The following ADGRB3 variants were observed in gnomAD, a reference collection of about 807,000 sequenced individuals.
The protein encoded by ADGRB3 is adhesion G protein-coupled receptor B3, also known as brain-specific angiogenesis inhibitor 3.
Under a neutral mutation model 193.4 loss-of-function variants are expected in ADGRB3, and 37 were observed. The observed-to-expected ratio is 0.19, with a 90% CI of 0.15 to 0.25. The LOEUF (loss-of-function observed/expected upper bound fraction) is 0.25, where lower values mean the gene tolerates loss of function less well. Among genes scored for constraint, ADGRB3 ranks in the 10% least tolerant of loss-of-function variants. The pLI is 1.00. For missense variants in ADGRB3, 1,637 were observed against 1,852.9 expected (o/e 0.88, Z 2.14); for synonymous variants, 690 against 644.2 (o/e 1.07, Z -1.08).
At chr6:69,383,746 G>A (rs1770002301) in intron 31 of ADGRB3, among the ~76,000 whole-genome samples, 1 of 152,032 alleles carries the variant, frequency 6.6e-6, no homozygotes, top group African/African-American at 2.4e-5. Flanking sequence ...TCAAAAGCAA[G>A]TAGGTTAAGA....
chr6:69,370,182 C>T (rs1168792223), intron 29 of ADGRB3, among the ~76,000 whole-genome samples: 2 of 152,138 alleles, frequency 1.3e-5, no homozygotes, highest in Non-Finnish European at 2.9e-5. Flanking sequence ...TTTTCTTATT[C>T]ATAAAATAAG....
intron 3 of ADGRB3, among the ~76,000 whole-genome samples, chr6:68,826,951 CTAGTGTAGG>C (rs1269661708): frequency 1.3e-5 from 2 of 152,080 alleles, no homozygotes; most frequent in African/African-American, 4.8e-5. Context: ...ATTAAACATC[CTAGTGTAGG>C]TTTCAAACAG....
At chr6:69,186,464 C>T (rs1765070435) in intron 17 of ADGRB3, among the ~76,000 whole-genome samples, 2 of 151,788 alleles carry the variant, frequency 1.3e-5, no homozygotes, top group Admixed American at 6.6e-5. Flanking sequence ...CATTTATTCT[C>T]TACCAAGTAT....
chr6:69,141,734 T>C (rs183250766), intron 17 of ADGRB3, among the ~76,000 whole-genome samples: 1 of 152,234 alleles, frequency 6.6e-6, no homozygotes, highest in Admixed American at 6.5e-5. Flanking sequence ...GGGAGGAACT[T>C]TGTTAACTGA....
chr6:68,639,801 A>G (rs556237305), intron 3 of ADGRB3, among the ~76,000 whole-genome samples: 1 of 152,208 alleles, frequency 6.6e-6, no homozygotes, highest in African/African-American at 2.4e-5. Context: ...GTGGATTTAT[A>G]GACATCTCCC....
intron 3 of ADGRB3, among the ~76,000 whole-genome samples, chr6:68,705,362 G>C (rs1430646136): frequency 2.6e-5 from 4 of 152,104 alleles, no homozygotes; most frequent in Non-Finnish European, 4.4e-5. Flanking sequence ...TGGAATACTT[G>C]ACTTAAGTTC....
chr6:69,233,074 C>G (rs1766182538), intron 17 of ADGRB3: 4 of 620,374 alleles, frequency 6.4e-6, no homozygotes, highest in Non-Finnish European at 1.1e-5. Context: ...CAGCTCTCTG[C>G]ACGCCGCACC....
At chr6:68,925,033 A>G (rs1767142115) in intron 3 of ADGRB3, among the ~76,000 whole-genome samples, 1 of 151,918 alleles carries the variant, frequency 6.6e-6, no homozygotes, top group African/African-American at 2.4e-5. Flanking sequence ...AATCAGTAGT[A>G]AAATATCCGT....
chr6:68,811,075 G>T (rs1767503889), intron 3 of ADGRB3, among the ~76,000 whole-genome samples: 1 of 150,016 alleles, frequency 6.7e-6, no homozygotes, highest in South Asian at 2.1e-4. Context: ...TTTATGAGGA[G>T]ATATATATAT....
chr6:68,812,825 G>GTCC (rs1767541099), intron 3 of ADGRB3, among the ~76,000 whole-genome samples: 1 of 134,348 alleles, frequency 7.4e-6, no homozygotes, highest in African/African-American at 2.8e-5. Flanking sequence ...CCCTCCCCTA[G>GTCC]CCCCCCAACC....
At chr6:68,730,778 G>C (rs1229639749) in intron 3 of ADGRB3, among the ~76,000 whole-genome samples, 4 of 151,632 alleles carry the variant, frequency 2.6e-5, no homozygotes, top group Admixed American at 6.6e-5. Context: ...GTTTAAATGA[G>C]ACTTTTAAAT....
At chr6:69,376,655 T>C (rs913634839) in intron 30 of ADGRB3, among the ~76,000 whole-genome samples, 1 of 152,026 alleles carries the variant, frequency 6.6e-6, no homozygotes, top group Non-Finnish European at 1.5e-5. Context: ...AATTGTGACA[T>C]AGAAATCAAA....
intron 3 of ADGRB3, among the ~76,000 whole-genome samples, chr6:68,743,767 T>C (rs1766027491): frequency 1.3e-5 from 2 of 152,108 alleles, no homozygotes. Flanking sequence ...GAGAACTAAA[T>C]AACAGAATTG....
intron 10 of ADGRB3, among the ~76,000 whole-genome samples, chr6:68,977,706 C>T (rs1284528289): frequency 6.6e-6 from 1 of 152,080 alleles, no homozygotes; most frequent in East Asian, 1.9e-4. Flanking sequence ...AAAAAGCTGC[C>T]TCTGTTTATT....
rs796221741 is a variant in ADGRB3, at chr6:69,370,985, C to G, written c.4240-1421C>G. Among the ~76,000 whole-genome samples the G allele has an allele frequency of 4.6e-5, 7 of 152,036 alleles. No individual in the cohort carries two copies. The South Asian group carries it at 1.2e-3, about 27-fold the overall frequency. On this transcript the variant is annotated intron_variant, in intron 29 of 31. Coordinates refer to ENST00000370598, the MANE Select transcript of ADGRB3 (RefSeq NM_001704.3). ...GGAGATGGCAAAAGAGGGCTGGGCT[C>G]AATGCCTGGATGTCACCACGGCGAG...
chr6:69,236,782 T>G (rs1481751453), intron 19 of ADGRB3, among the ~76,000 whole-genome samples: 1 of 151,940 alleles, frequency 6.6e-6, no homozygotes, highest in Non-Finnish European at 1.5e-5. Context: ...AATTAATTAG[T>G]CCATAATAAA....
At chr6:68,840,093 C>A (rs1174130442) in intron 3 of ADGRB3, among the ~76,000 whole-genome samples, 1 of 152,134 alleles carries the variant, frequency 6.6e-6, no homozygotes, top group Non-Finnish European at 1.5e-5. Flanking sequence ...CAGGCTAATA[C>A]TCTGGGATTC....
At chr6:69,024,202 G>T (rs1043759839) in intron 13 of ADGRB3, among the ~76,000 whole-genome samples, 1 of 152,084 alleles carries the variant, frequency 6.6e-6, no homozygotes, top group Non-Finnish European at 1.5e-5. Context: ...GAGGTAGTAG[G>T]TATAAGGAGT....
At chr6:69,088,551 A>G (rs1229210947) in intron 17 of ADGRB3, among the ~76,000 whole-genome samples, 3 of 151,960 alleles carry the variant, frequency 2.0e-5, no homozygotes, top group Non-Finnish European at 2.9e-5. Context: ...TTTTTGTATT[A>G]TTAGTAGAGA....
Sources: gnomAD v4.1 joint callset for allele counts (sites outside exome capture counted in the v4.1 genomes callset) on GRCh38, gnomAD v4.1.1 for gene constraint, MANE v1.5 for transcripts, NCBI Gene and HGNC (gene_info 2026-07-23, HGNC 2026-07-21) for gene names.